RAD51B: variants seen among roughly 807,000 people sequenced by gnomAD.
The protein encoded by RAD51B is DNA repair protein RAD51 homolog 2.
RAD51B carries 38 observed loss-of-function variants against 42.2 expected under a neutral mutation model. The observed-to-expected ratio is 0.90, with a 90% CI of 0.70 to 1.18. The LOEUF (loss-of-function observed/expected upper bound fraction) is 1.18. RAD51B is among the 50% of genes most tolerant of loss of function. The pLI, the probability that RAD51B is intolerant of heterozygous loss-of-function variation, is 0.00. For synonymous variants in RAD51B, 154 were observed against 145.2 expected (o/e 1.06, Z -0.43); for missense variants, 373 against 400.7 (o/e 0.93, Z 0.59).
chr14:67,948,830 G>A lies in RAD51B; in HGVS notation c.756+61626G>A, dbSNP rs572551740. 3.1e-4 allele frequency among the ~76,000 whole-genome samples: 47 copies of A among 150,404 alleles called. No homozygotes were observed. The East Asian group carries it at 9.2e-3, about 30-fold the overall frequency. On this transcript the variant is annotated intron_variant, in intron 7 of 10. Transcript: ENST00000471583. ...GCCTGTAGTCCCATCTACTTGGGAG[G>A]CTGAGGCAGGAGAATGGTGTGAACC...
chr14:68,415,031 C>CA (rs71129885), intron 9 of RAD51B, among the ~76,000 whole-genome samples: 5,210 of 32,440 alleles, frequency 0.16, 1,468 homozygotes, highest in African/African-American at 0.21. Context: ...GACTCTGTCT[C>CA]AAAAAAAAAA....
intron 10 of RAD51B, among the ~76,000 whole-genome samples, chr14:68,568,473 A>G (rs759340177): frequency 3.3e-5 from 5 of 152,240 alleles, no homozygotes; most frequent in Non-Finnish European, 7.3e-5. Context: ...CATTGGCATG[A>G]TAGGATTGTG....
chr14:68,307,200 G>C (rs1008220257), intron 8 of RAD51B, among the ~76,000 whole-genome samples: 14 of 152,118 alleles, frequency 9.2e-5, no homozygotes, highest in African/African-American at 3.4e-4. Context: ...ACACTCTCCA[G>C]TGTGGCTCAA....
intron 7 of RAD51B, among the ~76,000 whole-genome samples, chr14:68,082,942 T>C (rs1167421001): frequency 6.6e-6 from 1 of 152,202 alleles, no homozygotes; most frequent in African/African-American, 2.4e-5. Flanking sequence ...AATAATAGTC[T>C]CTTTCCCCAG....
rs188051931 is a variant in RAD51B, at chr14:68,205,581, G to A, written c.757-86303G>A. On this transcript the variant is annotated intron_variant, in intron 7 of 10. Transcript: ENST00000471583. The stretch of plus-strand genomic sequence containing the variant: ...AAAGGTTTCAATCCAGGCTTTTTTG[G>A]TTGTTTTTTGTGTTGTTTTCTTTTC... 8.6e-5 allele frequency among the ~76,000 whole-genome samples: 13 copies of A among 151,752 alleles called. No homozygotes were observed. The East Asian group carries it at 2.3e-3, about 27-fold the overall frequency.
At chr14:68,170,239 T>C (rs2078844355) in intron 7 of RAD51B, among the ~76,000 whole-genome samples, 2 of 152,184 alleles carry the variant, frequency 1.3e-5, no homozygotes, top group Admixed American at 1.3e-4. Flanking sequence ...CTCTCTAGAG[T>C]TTAGCAGCAT....
intron 7 of RAD51B, among the ~76,000 whole-genome samples, chr14:68,117,508 T>A (rs2140614939): frequency 6.6e-6 from 1 of 152,324 alleles, no homozygotes; most frequent in South Asian, 2.1e-4. Context: ...ACTCTGTTTT[T>A]TGGGAGGACT....
chr14:68,567,334 G>C (rs1323754588), intron 10 of RAD51B, among the ~76,000 whole-genome samples: 1 of 152,036 alleles, frequency 6.6e-6, no homozygotes, highest in Non-Finnish European at 1.5e-5. Flanking sequence ...TTATTTTTTA[G>C]AGTGGTTTTA....
chr14:68,201,773 T>C (rs2079490221), intron 7 of RAD51B, among the ~76,000 whole-genome samples: 1 of 152,194 alleles, frequency 6.6e-6, no homozygotes, highest in Non-Finnish European at 1.5e-5. Flanking sequence ...GAGATTTAAA[T>C]AAGGCTTACA....
chr14:68,421,628 G>T (rs1031088867), intron 9 of RAD51B: 8 of 1,232,596 alleles, frequency 6.5e-6, no homozygotes, highest in African/African-American at 6.0e-5. Context: ...GCGAGCAAAC[G>T]GGGTGGAGGG....
intron 4 of RAD51B, among the ~76,000 whole-genome samples, chr14:67,857,413 A>G (rs998912820): frequency 2.6e-5 from 4 of 152,214 alleles, no homozygotes; most frequent in African/African-American, 9.6e-5. Flanking sequence ...AGTACATAAA[A>G]ATAATGAAGT....
chr14:68,216,853 C>A (rs1185848984), intron 7 of RAD51B, among the ~76,000 whole-genome samples: 1 of 152,172 alleles, frequency 6.6e-6, no homozygotes, highest in Non-Finnish European at 1.5e-5. Context: ...GGACAGTAAT[C>A]CCTGTCCGAC....
At chr14:68,028,364 A>C (rs1025761944) in intron 7 of RAD51B, among the ~76,000 whole-genome samples, 1 of 152,170 alleles carries the variant, frequency 6.6e-6, no homozygotes, top group South Asian at 2.1e-4. Flanking sequence ...TTGGGCAGAA[A>C]CCATGGCAGG....
At chr14:68,493,097 C>G (rs1278491183) in intron 10 of RAD51B, among the ~76,000 whole-genome samples, 1 of 152,122 alleles carries the variant, frequency 6.6e-6, no homozygotes, top group East Asian at 1.9e-4. Context: ...TCCACCTGGA[C>G]TCACTTCCTC....
chr14:67,907,827 C>T (rs554402376), intron 7 of RAD51B, among the ~76,000 whole-genome samples: 2 of 152,264 alleles, frequency 1.3e-5, no homozygotes, highest in East Asian at 1.9e-4. Flanking sequence ...ATACAGCTTA[C>T]TACAGCATTT....
intron 7 of RAD51B, among the ~76,000 whole-genome samples, chr14:67,980,761 A>C (rs939896040): frequency 2.6e-5 from 4 of 152,232 alleles, no homozygotes; most frequent in Admixed American, 6.5e-5. Flanking sequence ...TAAAATGTAA[A>C]AACTAAAACT....
chr14:68,250,234 G>GT lies in RAD51B; in HGVS notation c.757-41649dup, dbSNP rs368326995. On this transcript the variant is annotated intron_variant, in intron 7 of 10. Coordinates refer to ENST00000471583, the MANE Select transcript of RAD51B (RefSeq NM_133510.4). ...GTCTCCCTACCAGTCCCCCTCATTC[G>GT]TCCTGTCTTTATTTTTACACTTCTC... Among the ~76,000 whole-genome samples the GT allele has an allele frequency of 3.1e-4, 47 of 152,196 alleles. 1 individual carries two copies. Among genetic ancestry groups the GT allele is most frequent in the African/African-American group, 1.1e-3 (46 of 41,502 alleles).
chr14:68,364,985 G>C (rs911818591), intron 8 of RAD51B, among the ~76,000 whole-genome samples: 9 of 152,220 alleles, frequency 5.9e-5, no homozygotes, highest in Non-Finnish European at 1.0e-4. Flanking sequence ...ATGTCTGGGT[G>C]CTGGCTTCTG....
At chr14:68,426,304 G>T (rs899272545) in intron 9 of RAD51B, among the ~76,000 whole-genome samples, 8 of 150,084 alleles carry the variant, frequency 5.3e-5, no homozygotes, top group African/African-American at 2.0e-4. Flanking sequence ...TCGAACTCCC[G>T]ACCTCAGGTG....
Sources: allele counts gnomAD v4.1 joint callset (sites outside exome capture counted in the v4.1 genomes callset), GRCh38; gene constraint gnomAD v4.1.1; transcripts MANE v1.5; gene names NCBI Gene and HGNC (gene_info 2026-07-23, HGNC 2026-07-21).